Variants in TSPAN4 observed in about 807,000 individuals in gnomAD.
The protein encoded by TSPAN4 is tetraspanin-4.
TSPAN4 carries 38 observed loss-of-function variants against 31.5 expected under a neutral mutation model. The ratio of observed to expected loss-of-function variants is 1.21; its 90% CI spans 0.93 to 1.58. The LOEUF is 1.58. Ranked by LOEUF, TSPAN4 falls within the 40% of genes most tolerant of loss-of-function variation. The probability of loss-of-function intolerance (pLI) is 0.00; values close to 1 mark genes in which losing one functional copy is unlikely to be tolerated. For missense variants in TSPAN4, 330 were observed against 317.3 expected, an observed-to-expected ratio of 1.04 and a Z score of -0.30; for synonymous variants, 186 against 144.6, an observed-to-expected ratio of 1.29 and a Z score of -2.06.
At chr11:860,026 G>A (rs972141702) in intron 3 of TSPAN4, among the ~76,000 whole-genome samples, 7 of 152,186 alleles carry the variant, frequency 4.6e-5, no homozygotes, top group Admixed American at 1.3e-4. Flanking sequence ...GGCTCTGGGC[G>A]TGGGTGTCAG....
intron 3 of TSPAN4, among the ~76,000 whole-genome samples, chr11:852,183 C>T (rs932660046): frequency 6.6e-5 from 10 of 152,108 alleles, no homozygotes; most frequent in East Asian, 3.9e-4. Context: ...AGTGCAGTGG[C>T]GTGATCTTGG....
chr11:855,908 A>G (rs934742761), intron 3 of TSPAN4, among the ~76,000 whole-genome samples: 2 of 152,178 alleles, frequency 1.3e-5, no homozygotes, highest in African/African-American at 4.8e-5. Flanking sequence ...CTGGCAGCCC[A>G]GCCATCTGCC....
intron 3 of TSPAN4, 49 bp downstream of exon 3, chr11:850,416 C>T (rs545171623): frequency 6.5e-7 from 1 of 1,539,264 alleles, no homozygotes; most frequent in East Asian, 2.3e-5. Flanking sequence ...CGGGGTCCCT[C>T]CCGCGGCGGG....
chr11:858,773 C>CCGGCTCACA (rs1848216792), intron 3 of TSPAN4: 1 of 160,548 alleles, frequency 6.2e-6, no homozygotes. Flanking sequence ...CACACGCACC[C>CCGGCTCACA]CGGCTCACAT....
intron 6 of TSPAN4, 24 bp downstream of exon 6, chr11:865,638 G>A: frequency 6.2e-7 from 1 of 1,612,384 alleles, no homozygotes; most frequent in Non-Finnish European, 8.5e-7. Context: ...AGGTGGGCGG[G>A]GTCGGCGGGT....
rs1266051343 is a variant in TSPAN4 at position 864,463 on chromosome 11, C to T, written c.282C>T (p.Phe94=). The T allele has an allele frequency of 6.2e-7, 1 of 1,612,872 alleles. No homozygotes were observed. The change falls in exon 5 of 9, where the codon TTC becomes TTT. Residue 94 remains phenylalanine (F), a synonymous_variant. Transcript: ENST00000397397. Reference sequence around the variant, plus strand: ...TCTTCCTGCTGCTGCTGCTGGTGTTCCTGCTGGAGGCCACCATCGCCATCC... The same window carrying T: ...TCTTCCTGCTGCTGCTGCTGGTGTTTCTGCTGGAGGCCACCATCGCCATCC... ...LTFFLLLLLV[F]LLEATIAILF...
chr11:864,799 C>T (rs1219509006), intron 5 of TSPAN4: 1 of 533,330 alleles, frequency 1.9e-6, no homozygotes, highest in African/African-American at 1.9e-5. Context: ...CCGTCTGCTC[C>T]CAGCGCCCCA....
chr11:849,328 G>GC (rs1383835852), intron 2 of TSPAN4, among the ~76,000 whole-genome samples: 1 of 152,132 alleles, frequency 6.6e-6, no homozygotes, highest in African/African-American at 2.4e-5. Flanking sequence ...GGCTGACCCA[G>GC]CCCCCCACCC....
chr11:846,842 A>G (rs61111434), intron 1 of TSPAN4, among the ~76,000 whole-genome samples: 16,390 of 152,150 alleles, frequency 0.11, 1,672 homozygotes, highest in East Asian at 0.3. Flanking sequence ...GGGTGCAAGC[A>G]TGTGTCTTGG....
At position 865,633 on chromosome 11, in the gene TSPAN4, G is replaced by A. The variant is rs1402987417; in HGVS notation, c.432+19G>A. ...GACCGACGTGAGGCGTGGGCAGGTG[G>A]GCGGGGTCGGCGGGTGCCCCCTCCC... On this transcript the variant is annotated intron_variant, in intron 6 of 8. Transcript: ENST00000397397. 6.8e-6 allele frequency: 11 copies of A among 1,612,270 alleles called. No homozygotes were observed. Among genetic ancestry groups the A allele is most frequent in the Non-Finnish European group, 9.3e-6 (11 of 1,179,690 alleles).
At chr11:845,969 C>T (rs996273224) in intron 1 of TSPAN4, among the ~76,000 whole-genome samples, 1 of 152,180 alleles carries the variant, frequency 6.6e-6, no homozygotes. Context: ...CTTGGGACCC[C>T]CCAGGGTGAG....
At chr11:853,750 A>G (rs1847886701) in intron 3 of TSPAN4, among the ~76,000 whole-genome samples, 1 of 152,172 alleles carries the variant, frequency 6.6e-6, no homozygotes, top group African/African-American at 2.4e-5. Context: ...CAGCAAATAG[A>G]GGCCCTCACC....
intron 3 of TSPAN4, among the ~76,000 whole-genome samples, chr11:851,002 C>G (rs1421848475): frequency 6.6e-6 from 1 of 152,258 alleles, no homozygotes; most frequent in Non-Finnish European, 1.5e-5. Flanking sequence ...GCTTCCCTAA[C>G]TTTTGCGGAG....
At position 866,378 on chromosome 11, in the gene TSPAN4, G is replaced by A. The variant is rs563220429; in HGVS notation, c.649-184G>A. ...TGCAAGGCTCAGGGGAGGGTGCTGT[G>A]GCTCGAGCCACAGGGGTTGGGTGGG... is the stretch of plus-strand genomic sequence containing the variant. On this transcript the variant is annotated intron_variant, in intron 8 of 8. Transcript: ENST00000397397. Among the ~76,000 whole-genome samples the A allele has an allele frequency of 3.9e-5, 6 of 152,210 alleles. No individual in the cohort carries two copies. In the East Asian group the frequency reaches 1.2e-3, roughly 30 times the overall value.
At chr11:862,528 C>T (rs201151045) in intron 3 of TSPAN4, 22 bp from the exon 4 acceptor site, 2 of 1,586,922 alleles carry the variant, frequency 1.3e-6, no homozygotes, top group South Asian at 2.3e-5. Context: ...CTGTCTGTGT[C>T]TCTCCTGTTG....
rs772527245 is a variant in TSPAN4, at chr11:865,895, A to G, written c.565-23A>G. ...CGGGACCAGCAGGCCCTGCCGTGAC[A>G]CGCATGACATCCCTCCCTGCAGCCG... On this transcript the variant is annotated intron_variant, in intron 7 of 8. Transcript: ENST00000397397. The G allele has an allele frequency of 1.9e-6, 3 of 1,612,994 alleles. No individual in the cohort carries two copies. In the Admixed American group the frequency reaches 5.0e-5, roughly 27 times the overall value.
chr11:862,359 G>A, intron 3 of TSPAN4, 191 bp from the exon 4 acceptor site: 1 of 568,618 alleles, frequency 1.8e-6, no homozygotes, highest in South Asian at 2.3e-5. Context: ...GCCAGCCCAG[G>A]GTGTCGGGAA....
At chr11:844,974 G>A (rs890248256) in intron 1 of TSPAN4, among the ~76,000 whole-genome samples, 2 of 152,190 alleles carry the variant, frequency 1.3e-5, no homozygotes, top group African/African-American at 2.4e-5. Context: ...GGGAGCACGG[G>A]CTGAGCCCTG....
intron 3 of TSPAN4, among the ~76,000 whole-genome samples, chr11:853,105 A>C (rs1264111894): frequency 1.5e-5 from 2 of 135,772 alleles, no homozygotes; most frequent in Non-Finnish European, 3.1e-5. Context: ...AGGTGCGGCC[A>C]GGGCACTGGG....
Sources: allele counts gnomAD v4.1 joint callset (sites outside exome capture counted in the v4.1 genomes callset), GRCh38; gene constraint gnomAD v4.1.1; transcripts MANE v1.5; gene names NCBI Gene and HGNC (gene_info 2026-07-23, HGNC 2026-07-21).